The following USP34 variants were observed in gnomAD, a reference collection of about 807,000 sequenced individuals.
The protein encoded by USP34 is ubiquitin specific peptidase 34.
A neutral mutation model predicts 460.3 loss-of-function variants in USP34; 70 were observed. That is an observed-to-expected ratio of 0.15 (90% CI 0.13 to 0.19). The LOEUF is 0.19. USP34 is among the 10% of genes least tolerant of loss of function. The pLI, the probability that USP34 is intolerant of heterozygous loss-of-function variation, is 1.00. For missense variants in USP34, 3,985 were observed against 4,236.2 expected (o/e 0.94, Z 1.65); for synonymous variants, 1,647 against 1,405.3 (o/e 1.17, Z -3.85).
rs1691835074 is a variant in USP34, at chr2:61,348,341, G to A, written c.1814C>T (p.Pro605Leu). 1.9e-6 allele frequency: 3 copies of A among 1,614,078 alleles called. No homozygotes were observed. The highest frequency in any genetic ancestry group is 1.1e-5 in the South Asian group (1 of 91,070). The change falls in exon 15 of 80, where the codon CCT becomes CTT. Residue 605 changes from proline (P) to leucine (L), a missense_variant. Around this residue, in one of 14 missense-constraint regions of USP34, gnomAD observed 716 missense variants for 626.2 expected, o/e 1.14. Transcript: ENST00000398571. ...SSHASQSAGS[P>L]GSEVQSEDIA... ...GTCTTCTGACTGTACCTCACTGCCA[G>A]GGCTCCCAGCTGACTGGCTTGCGTG...
At position 61,203,135 on chromosome 2, in the gene USP34, C is replaced by A; in HGVS notation, c.9508+5G>T. ...TGGAATTTACTGCTCATCTTTTATA[C>A]TTACTCAGCTTAACTAATGTTTCAG... On this transcript the variant is annotated splice_donor_5th_base_variant and intron_variant, in intron 75 of 79. Coordinates refer to ENST00000398571, the MANE Select transcript of USP34 (RefSeq NM_014709.4). 2 of 1,576,356 alleles carry A rather than the reference C, an allele frequency of 1.3e-6. No individual in the cohort carries two copies. The highest frequency in any genetic ancestry group is 1.7e-6 in the Non-Finnish European group (2 of 1,160,328).
intron 16 of USP34, among the ~76,000 whole-genome samples, chr2:61,341,085 C>A (rs563907362): frequency 6.6e-6 from 1 of 152,126 alleles, no homozygotes; most frequent in Non-Finnish European, 1.5e-5. Flanking sequence ...ATAAGTAATA[C>A]ACAGTATGTA....
intron 5 of USP34, among the ~76,000 whole-genome samples, chr2:61,390,752 G>A (rs371321576): frequency 6.6e-6 from 1 of 152,032 alleles, no homozygotes; most frequent in Non-Finnish European, 1.5e-5. Flanking sequence ...CCAGAGAAGA[G>A]TGAGTTTTCC....
rs1691342996 is a variant in USP34, at chr2:61,333,866, TC to T, written c.2834+15del. ...AAAATCTTTAAAATAAATACTTTTT[TC>T]TTTTATTTACTTACATTGTTATCCA... On this transcript the variant is annotated intron_variant, in intron 19 of 79. Coordinates refer to ENST00000398571, the MANE Select transcript of USP34 (RefSeq NM_014709.4). The T allele has an allele frequency of 2.7e-6, 4 of 1,461,898 alleles. No individual in the cohort carries two copies. Among genetic ancestry groups the T allele is most frequent in the Non-Finnish European group, 2.7e-6 (3 of 1,092,486 alleles). The allele number at this position is 1,461,898 out of a possible 1,614,324, so 90.6% of individuals were successfully genotyped here. A position where few individuals can be genotyped will look rare whatever the true frequency, so the allele number is the denominator to read the frequency against.
intron 3 of USP34, among the ~76,000 whole-genome samples, chr2:61,404,827 A>G (rs1225882633): frequency 6.6e-6 from 1 of 152,204 alleles, no homozygotes. Flanking sequence ...CTATGCCTAG[A>G]AATCAATCAT....
chr2:61,357,656 T>C (rs1692146725), intron 10 of USP34, among the ~76,000 whole-genome samples: 1 of 152,154 alleles, frequency 6.6e-6, no homozygotes, highest in South Asian at 2.1e-4. Flanking sequence ...ATACTCTCAC[T>C]TTGAGAGGCC....
intron 27 of USP34, among the ~76,000 whole-genome samples, chr2:61,308,994 C>G (rs773097009): frequency 1.1e-4 from 16 of 152,082 alleles, no homozygotes; most frequent in Non-Finnish European, 2.4e-4. Flanking sequence ...AAGATCCTGC[C>G]ACTGCACTCC....
Position 61,320,102 on chromosome 2 carries a change from C to T in USP34, c.3014-775G>A, listed in dbSNP as rs527728963. On this transcript the variant is annotated intron_variant, in intron 21 of 79. Transcript: ENST00000398571. ...CAAACAATAACAAATTCAGTGGGCT[C>T]GCTTTTGTACCACATCATTTATGGC... 4.2e-4 allele frequency among the ~76,000 whole-genome samples: 64 copies of T among 152,276 alleles called. 1 individual carries two copies. The South Asian group carries it at 4.8e-3, about 11-fold the overall frequency.
intron 27 of USP34, among the ~76,000 whole-genome samples, chr2:61,303,211 C>T (rs961534550): frequency 3.3e-5 from 5 of 151,928 alleles, no homozygotes; most frequent in Admixed American, 2.6e-4. Context: ...GGACTACAGG[C>T]GTGCACCATC....
chr2:61,422,740 G>A (rs930144350), intron 1 of USP34, among the ~76,000 whole-genome samples: 16 of 152,120 alleles, frequency 1.1e-4, no homozygotes, highest in East Asian at 5.8e-4. Context: ...ACTAACAGCC[G>A]GTAATCCCAG....
chr2:61,420,887 G>A lies in USP34; in HGVS notation c.44-54C>T. The A allele has an allele frequency of 9.1e-6, 12 of 1,325,434 alleles. No individual in the cohort carries two copies. The South Asian group carries it at 1.6e-4, about 18-fold the overall frequency. The allele number at this position is 1,325,434 out of a possible 1,614,324, so 82.1% of individuals were successfully genotyped here. A position where few individuals can be genotyped will look rare whatever the true frequency, so the allele number is the denominator to read the frequency against. The stretch of plus-strand genomic sequence containing the variant: ...TGAATAATGCTAAACCAGTATTAAA[G>A]CCAACAGTTCAAAATAAAGCCAAGA... On this transcript the variant is annotated intron_variant, in intron 1 of 79. Transcript: ENST00000398571.
intron 67 of USP34, among the ~76,000 whole-genome samples, chr2:61,219,485 A>C (rs970247049): frequency 1.9e-4 from 29 of 152,154 alleles, no homozygotes; most frequent in African/African-American, 7.0e-4. Flanking sequence ...AGCCTGGTCA[A>C]CACGGTAAAA....
chr2:61,234,349 C>G (rs1455060138), intron 57 of USP34, among the ~76,000 whole-genome samples: 2 of 152,212 alleles, frequency 1.3e-5, no homozygotes, highest in Non-Finnish European at 2.9e-5. Flanking sequence ...TCTTTGGTTG[C>G]TAACCTAGAA....
chr2:61,384,435 C>A (rs970667343), intron 5 of USP34, among the ~76,000 whole-genome samples: 8 of 151,950 alleles, frequency 5.3e-5, no homozygotes, highest in African/African-American at 1.9e-4. Context: ...TCTGGGAGAT[C>A]GTGGCAGGTG....
rs369817179 is a variant in USP34 at position 61,348,214 on chromosome 2, T to C, written c.1941A>G (p.Leu647=). 56 of 1,614,120 alleles carry C rather than the reference T, an allele frequency of 3.5e-5. No homozygotes were observed. Among genetic ancestry groups the C allele is most frequent in the Non-Finnish European group, 4.6e-5 (54 of 1,180,048 alleles). ...CCAGGCAAATGCCTGCTTGACTCTC[T>C]AACTTTCTATTCCGAAGATCTGTAC... is the stretch of plus-strand genomic sequence containing the variant. The part of the protein sequence containing the change: ...SCGTDLRNRK[L]ESQAGICLGD... Residue 647 remains leucine, a synonymous_variant, in exon 15 of 80, where the codon TTA becomes TTG. Coordinates refer to ENST00000398571, the MANE Select transcript of USP34 (RefSeq NM_014709.4).
chr2:61,438,231 A>G (rs1207636795), intron 1 of USP34, among the ~76,000 whole-genome samples: 1 of 152,210 alleles, frequency 6.6e-6, no homozygotes, highest in Non-Finnish European at 1.5e-5. Context: ...ACATCTTAGC[A>G]ATAGAATGAA....
intron 1 of USP34, among the ~76,000 whole-genome samples, chr2:61,440,518 ATTTTTT>A (rs1229533998): frequency 7.8e-5 from 11 of 140,326 alleles, no homozygotes; most frequent in Non-Finnish European, 1.6e-4. Flanking sequence ...CCCTTTTTAA[ATTTTTT>A]TTTTTTTTTT....
At chr2:61,445,138 A>C (rs1695072414) in intron 1 of USP34, among the ~76,000 whole-genome samples, 1 of 151,220 alleles carries the variant, frequency 6.6e-6, no homozygotes, top group Non-Finnish European at 1.5e-5. Flanking sequence ...CACTGAAAAA[A>C]AAATTTGTCA....
intron 29 of USP34, among the ~76,000 whole-genome samples, chr2:61,299,055 A>T (rs1438278408): frequency 1.3e-5 from 2 of 152,166 alleles, no homozygotes; most frequent in Non-Finnish European, 2.9e-5. Flanking sequence ...ACTAGGTGAG[A>T]AAACAGAGGT....
Sources: allele counts gnomAD v4.1 joint callset (sites outside exome capture counted in the v4.1 genomes callset), GRCh38; gene constraint gnomAD v4.1.1; regional missense constraint gnomAD v4.1.1; transcripts MANE v1.5; gene names NCBI Gene and HGNC (gene_info 2026-07-23, HGNC 2026-07-21).